The following NUP98 variants were observed in gnomAD, a reference collection of about 807,000 sequenced individuals.
NUP98 encodes nuclear pore complex protein Nup98-Nup96.
NUP98 carries 26 observed loss-of-function variants against 191.9 expected under a neutral mutation model. The observed-to-expected ratio is 0.14, with a 90% CI of 0.10 to 0.19. The LOEUF (loss-of-function observed/expected upper bound fraction) is 0.19. NUP98 is among the 10% of genes least tolerant of loss of function. The pLI, the probability that NUP98 is intolerant of heterozygous loss-of-function variation, is 1.00. For missense variants in NUP98, 1,941 were observed against 2,178.8 expected (o/e 0.89, Z 2.17); for synonymous variants, 808 against 778.4 (o/e 1.04, Z -0.63).
At chr11:3,781,185 C>CCA (rs777755894) in intron 2 of NUP98, among the ~76,000 whole-genome samples, 5 of 69,040 alleles carry the variant, frequency 7.2e-5, no homozygotes, top group African/African-American at 2.8e-4. Context: ...GATCCTATCT[C>CCA]AAAAAAAAAA....
At chr11:3,722,931 A>T (rs916028271) in intron 16 of NUP98, among the ~76,000 whole-genome samples, 2 of 152,222 alleles carry the variant, frequency 1.3e-5, no homozygotes, top group South Asian at 2.1e-4. Flanking sequence ...CTACACCAGG[A>T]TAATTAAAGA....
In NUP98 at chr11:3,731,489, C is replaced by G. The variant is rs1036697426; in HGVS notation, c.1632G>C (p.Arg544=). ...TGCCTGTTGTTTGTAAAGCCTTTGG[C>G]CGGACTCTAGTGGCAGGGCGGGGTG... The part of the protein sequence containing the change: ...KLTPRPATRV[R]PKALQTTGTA... The change falls in exon 14 of 33, where the codon CGG becomes CGC. Residue 544 remains arginine, a synonymous_variant. Transcript: ENST00000324932. 3 of 1,609,544 alleles carry G rather than the reference C, an allele frequency of 1.9e-6. No homozygotes were observed. Among genetic ancestry groups the G allele is most frequent in the Non-Finnish European group, 2.5e-6 (3 of 1,177,806 alleles).
chr11:3,750,172 T>C (rs917461112), intron 11 of NUP98, among the ~76,000 whole-genome samples: 1 of 152,126 alleles, frequency 6.6e-6, no homozygotes, highest in African/African-American at 2.4e-5. Context: ...TTCTCTGGAG[T>C]GCAGCGGAAT....
intron 14 of NUP98, among the ~76,000 whole-genome samples, chr11:3,729,063 T>C (rs1408164178): frequency 6.6e-6 from 1 of 152,190 alleles, no homozygotes; most frequent in African/African-American, 2.4e-5. Flanking sequence ...CAATTTCTTT[T>C]AGACATCGAA....
chr11:3,681,510 A>C (rs2077983405), intron 30 of NUP98, among the ~76,000 whole-genome samples: 1 of 152,224 alleles, frequency 6.6e-6, no homozygotes, highest in Non-Finnish European at 1.5e-5. Context: ...TGCAGAGTAG[A>C]TGTGTTAGCA....
At chr11:3,691,892 T>C (rs1039895132) in intron 27 of NUP98, among the ~76,000 whole-genome samples, 3 of 152,096 alleles carry the variant, frequency 2.0e-5, no homozygotes, top group Admixed American at 1.3e-4. Context: ...GACACCTGTA[T>C]TAAGAATGAA....
At chr11:3,751,116 T>G (rs1471650056) in intron 11 of NUP98, among the ~76,000 whole-genome samples, 2 of 151,268 alleles carry the variant, frequency 1.3e-5, no homozygotes, top group Non-Finnish European at 2.9e-5. Context: ...CCCAGCACTT[T>G]GGGAGGCCGA....
At chr11:3,760,299 A>G in intron 10 of NUP98, 1 of 535,306 alleles carries the variant, frequency 1.9e-6, no homozygotes, top group Admixed American at 3.5e-5. Context: ...AGTAAATGAA[A>G]GGCAATTTAC....
intron 30 of NUP98, 91 bp downstream of exon 30, chr11:3,683,109 T>A: frequency 7.7e-6 from 12 of 1,550,578 alleles, no homozygotes; most frequent in Non-Finnish European, 9.6e-6. Flanking sequence ...TGTCCTACGT[T>A]GAGTCTTATT....
rs773818673 is a variant in NUP98, at chr11:3,762,882, A to T, written c.1086+20T>A. The T allele has an allele frequency of 1.9e-6, 3 of 1,607,712 alleles. No homozygotes were observed. The South Asian group carries it at 3.4e-5, about 18-fold the overall frequency. ...AAATTTACACACATCTTCAAATTAC[A>T]GTCAACTGCAGAAACCTACCGAACC... On this transcript the variant is annotated intron_variant, in intron 9 of 32. Coordinates refer to ENST00000324932, the MANE Select transcript of NUP98 (RefSeq NM_016320.5).
At chr11:3,794,475 C>A (rs1270646384) in intron 1 of NUP98, among the ~76,000 whole-genome samples, 1 of 152,094 alleles carries the variant, frequency 6.6e-6, no homozygotes, top group Non-Finnish European at 1.5e-5. Context: ...CGCATGCTGC[C>A]ACGCCCAGCT....
At chr11:3,710,479 C>A (rs1332529951) in intron 20 of NUP98, among the ~76,000 whole-genome samples, 1 of 152,016 alleles carries the variant, frequency 6.6e-6, no homozygotes, top group Non-Finnish European at 1.5e-5. Flanking sequence ...GGTAATGGAA[C>A]AAATGTGACC....
At chr11:3,698,311 TCA>T (rs2078574364) in intron 25 of NUP98, among the ~76,000 whole-genome samples, 1 of 152,206 alleles carries the variant, frequency 6.6e-6, no homozygotes, top group Non-Finnish European at 1.5e-5. Flanking sequence ...TGAGTAGTAG[TCA>T]CAGGATTTGG....
intron 1 of NUP98, among the ~76,000 whole-genome samples, chr11:3,793,382 T>C (rs559757671): frequency 4.3e-4 from 65 of 151,908 alleles, no homozygotes; most frequent in African/African-American, 1.4e-3. Context: ...CTCTGCCTCC[T>C]GGGTTCAAGC....
At position 3,720,832 on chromosome 11, in the gene NUP98, C is replaced by CAAAAAAAAAAAAAAAA. The variant is rs55821497; in HGVS notation, c.2147-23_2147-8dup. ...ACCTTAGTGAGAATAATACCTGTGA[C>CAAAAAAAAAAAAAAAA]AAAAAAAAAAAAAAAAACAGAAAAA... is the stretch of plus-strand genomic sequence containing the variant. On this transcript the variant is annotated splice_polypyrimidine_tract_variant and splice_region_variant and intron_variant, in intron 16 of 32. Transcript: ENST00000324932. The CAAAAAAAAAAAAAAAA allele has an allele frequency of 1.3e-4, 48 of 376,148 alleles. No individual in the cohort carries two copies. The highest frequency in any genetic ancestry group is 5.0e-4 in the South Asian group (11 of 22,182). The allele number at this position is 376,148 out of a possible 1,614,324, so 23.3% of individuals were successfully genotyped here. A position where few individuals can be genotyped will look rare whatever the true frequency, so the allele number is the denominator to read the frequency against.
intron 31 of NUP98, among the ~76,000 whole-genome samples, chr11:3,678,859 T>C (rs2077898913): frequency 1.3e-5 from 2 of 152,238 alleles, no homozygotes; most frequent in South Asian, 4.1e-4. Flanking sequence ...GGTAAGCTCA[T>C]GCCTGTAATC....
In NUP98 at chr11:3,725,228, A is replaced by G. The variant is rs1343969973; in HGVS notation, c.1731-9T>C. 3.9e-6 allele frequency: 5 copies of G among 1,289,944 alleles called. No individual in the cohort carries two copies. Among genetic ancestry groups the G allele is most frequent in the Non-Finnish European group, 5.6e-6 (5 of 898,660 alleles). 79.9% of individuals were successfully genotyped at this position (1,289,944 alleles called of 1,614,324 possible). On this transcript the variant is annotated splice_polypyrimidine_tract_variant and intron_variant, in intron 14 of 32. Transcript: ENST00000324932. ...ACTTCTTAATGCTCTTCCTATAAAC[A>G]AGAAACCAAAAGAAGAAGAAAAAAA...
chr11:3,736,427 G>A (rs528790044), intron 12 of NUP98, among the ~76,000 whole-genome samples: 20 of 152,270 alleles, frequency 1.3e-4, no homozygotes, highest in African/African-American at 4.3e-4. Flanking sequence ...AGGTCGTGGC[G>A]AGCAGATCAC....
intron 12 of NUP98, among the ~76,000 whole-genome samples, chr11:3,743,092 C>A (rs2080345543): frequency 6.6e-6 from 1 of 151,928 alleles, no homozygotes; most frequent in South Asian, 2.1e-4. Flanking sequence ...GATCTCGGCT[C>A]ACTGTAACCT....
Sources: allele counts gnomAD v4.1 joint callset (sites outside exome capture counted in the v4.1 genomes callset), GRCh38; gene constraint gnomAD v4.1.1; transcripts MANE v1.5; gene names NCBI Gene and HGNC (gene_info 2026-07-23, HGNC 2026-07-21).